The following SLC22A2 variants were observed in gnomAD, a reference collection of about 807,000 sequenced individuals.
SLC22A2 encodes the protein solute carrier family 22 member 2, also known as organic cation transporter 2.
SLC22A2 carries 46 observed loss-of-function variants against 60.5 expected under a neutral mutation model. The observed-to-expected ratio is 0.76, with a 90% CI of 0.60 to 0.97. The LOEUF (loss-of-function observed/expected upper bound fraction) is 0.97, where lower values mean the gene tolerates loss of function less well. SLC22A2 is among the 50% of genes least tolerant of loss of function. SLC22A2 has a pLI of 0.00. For missense variants in SLC22A2, 701 were observed against 706.6 expected (o/e 0.99, Z 0.09); for synonymous variants, 303 against 267.0 (o/e 1.13, Z -1.31).
chr6:160,221,235 G>T (rs1158046596), intron 10 of SLC22A2, among the ~76,000 whole-genome samples: 1 of 152,180 alleles, frequency 6.6e-6, no homozygotes, highest in Admixed American at 6.5e-5. Context: ...TATGGAGATG[G>T]CTTCTTTCCT....
At chr6:160,235,581 T>A (rs1207757291) in intron 9 of SLC22A2, among the ~76,000 whole-genome samples, 4 of 150,662 alleles carry the variant, frequency 2.7e-5, no homozygotes, top group African/African-American at 9.7e-5. Context: ...GAAAAATTAA[T>A]CATGTAAAAG....
chr6:160,254,267 G>T (rs1783233731), intron 2 of SLC22A2, among the ~76,000 whole-genome samples: 1 of 152,040 alleles, frequency 6.6e-6, no homozygotes, highest in African/African-American at 2.4e-5. Context: ...GATAGAGTGA[G>T]ACTCTGTCTC....
intron 9 of SLC22A2, among the ~76,000 whole-genome samples, chr6:160,227,336 A>G (rs192732657): frequency 4.5e-4 from 68 of 152,296 alleles, no homozygotes; most frequent in African/African-American, 1.5e-3. Context: ...TTGATTCCGG[A>G]CCTTCAGATA....
rs1206890186 is a variant in SLC22A2, at chr6:160,258,623, G to A, written c.135C>T (p.Phe45=). ...PIYVGIVFLG[F]TPDHRCRSPG... ...GGCTCCGGCAGCGGTGGTCAGGGGT[G>A]AAGCCCAGGAAGACGATGCCCACGT... Residue 45 remains phenylalanine (F), a synonymous_variant, in exon 1 of 11, where the codon TTC becomes TTT. Transcript: ENST00000366953. 2 of 1,613,982 alleles carry A rather than the reference G, an allele frequency of 1.2e-6. No individual in the cohort carries two copies. Among genetic ancestry groups the A allele is most frequent in the South Asian group, 2.2e-5 (2 of 91,072 alleles).
At chr6:160,217,785 TA>T (rs2114845605) in intron 10 of SLC22A2, 1 of 254,312 alleles carries the variant, frequency 3.9e-6, no homozygotes, top group African/African-American at 2.2e-5. Context: ...AGAATGTGGG[TA>T]AAGTCTAAAC....
At chr6:160,236,716 C>T (rs933892858) in intron 9 of SLC22A2, among the ~76,000 whole-genome samples, 10 of 152,028 alleles carry the variant, frequency 6.6e-5, no homozygotes, top group Non-Finnish European at 1.2e-4. Flanking sequence ...CTACATAGTC[C>T]CTGTACAGGG....
Position 160,217,019 on chromosome 6 carries a change from T to G in SLC22A2, c.*413A>C, listed in dbSNP as rs1782549745. On this transcript the variant is annotated 3_prime_UTR_variant, in exon 11 of 11. Transcript: ENST00000366953. ...ACAACTTTATATTGTTTTGGGTGTT[T>G]TATTTCTTTAAGAAAATAGATGCTC... 6.5e-6 allele frequency: 1 copy of G among 153,956 alleles called. No homozygotes were observed. 9.5% of individuals were successfully genotyped at this position (153,956 alleles called of 1,614,324 possible).
At chr6:160,223,168 T>C (rs1782669715) in intron 10 of SLC22A2, among the ~76,000 whole-genome samples, 1 of 152,198 alleles carries the variant, frequency 6.6e-6, no homozygotes, top group South Asian at 2.1e-4. Context: ...AATAAAAATA[T>C]CTAAACATAC....
At position 160,258,803 on chromosome 6, in the gene SLC22A2, C is replaced by A. The variant is rs57454793; in HGVS notation, c.-46G>T. On this transcript the variant is annotated 5_prime_UTR_variant, in exon 1 of 11. Coordinates refer to ENST00000366953, the MANE Select transcript of SLC22A2 (RefSeq NM_003058.4). ...CCGAGGCTGCCCGACGTGCCCGGAG[C>A]GAGGCTGAGAGCGGCTGCAGCCAGC... 6.7e-7 allele frequency: 1 copy of A among 1,499,652 alleles called. No homozygotes were observed. The highest frequency in any genetic ancestry group is 8.9e-7 in the Non-Finnish European group (1 of 1,125,322). 92.9% of individuals were successfully genotyped at this position (1,499,652 alleles called of 1,614,324 possible). A position where few individuals can be genotyped will look rare whatever the true frequency, so the allele number is the denominator to read the frequency against.
intron 9 of SLC22A2, among the ~76,000 whole-genome samples, chr6:160,226,042 T>C (rs893142194): frequency 2.0e-5 from 3 of 152,230 alleles, no homozygotes; most frequent in East Asian, 1.9e-4. Context: ...TTAGGAGTCA[T>C]GCAGTTGGAG....
At chr6:160,241,976 C>G (rs1419126767) in intron 8 of SLC22A2, among the ~76,000 whole-genome samples, 4 of 151,066 alleles carry the variant, frequency 2.6e-5, no homozygotes, top group African/African-American at 4.9e-5. Context: ...GCAATTGTTT[C>G]TTTTTACTTC....
chr6:160,241,633 G>T, intron 8 of SLC22A2, 47 bp from the exon 9 acceptor site: 1 of 1,199,810 alleles, frequency 8.3e-7, no homozygotes, highest in East Asian at 2.3e-5. Flanking sequence ...TCACAGTGCA[G>T]TAGTTATCTC....
At chr6:160,228,021 A>G (rs1349779662) in intron 9 of SLC22A2, among the ~76,000 whole-genome samples, 1 of 152,276 alleles carries the variant, frequency 6.6e-6, no homozygotes, top group African/African-American at 2.4e-5. Flanking sequence ...CATATAATCA[A>G]GAAATAACTA....
intron 9 of SLC22A2, among the ~76,000 whole-genome samples, chr6:160,236,961 C>CT (rs1463695436): frequency 6.6e-6 from 1 of 152,182 alleles, no homozygotes; most frequent in East Asian, 1.9e-4. Flanking sequence ...TTTTGCTGCA[C>CT]TTTATACAAA....
chr6:160,231,786 C>A (rs1782828625), intron 9 of SLC22A2, among the ~76,000 whole-genome samples: 1 of 151,894 alleles, frequency 6.6e-6, no homozygotes, highest in African/African-American at 2.4e-5. Flanking sequence ...CCCCACTCCC[C>A]TTTCCATTCC....
chr6:160,242,401 A>C lies in SLC22A2; in HGVS notation c.1281T>G (p.Asp427Glu). The stretch of plus-strand genomic sequence containing the variant: ...AGATAATAATTTTTAGCCATTGTAG[A>C]TCTAAGAGGGAAAAGAACAGTACTT... ...ACLASVFIPGDLQWLKIIISC... is the reference protein window; with the variant it reads ...ACLASVFIPGELQWLKIIISC... Residue 427 changes from aspartate to glutamate, a missense_variant and splice_region_variant, in exon 8 of 11, where the codon GAT becomes GAG. Asp to Glu is a conservative substitution (Grantham distance 45). Coordinates refer to ENST00000366953, the MANE Select transcript of SLC22A2 (RefSeq NM_003058.4). 2 of 1,528,870 alleles carry C rather than the reference A, an allele frequency of 1.3e-6. No homozygotes were observed. The highest frequency in any genetic ancestry group is 1.8e-6 in the Non-Finnish European group (2 of 1,102,420). 94.7% of individuals were successfully genotyped at this position (1,528,870 alleles called of 1,614,324 possible). A position where few individuals can be genotyped will look rare whatever the true frequency, so the allele number is the denominator to read the frequency against.
chr6:160,220,245 C>T (rs1387226950), intron 10 of SLC22A2, among the ~76,000 whole-genome samples: 3 of 152,152 alleles, frequency 2.0e-5, no homozygotes, highest in African/African-American at 7.2e-5. Context: ...GAGTAGATTC[C>T]ATCTCAAGAA....
chr6:160,247,357 A>C (rs2279463), intron 4 of SLC22A2, 59 bp from the exon 5 acceptor site: 1 of 871,842 alleles, frequency 1.1e-6, no homozygotes, highest in African/African-American at 1.7e-5. Context: ...CCCATCCCCC[A>C]TTTTTTTATA....
rs138938404 is a variant in SLC22A2, at chr6:160,231,868, A to T, written c.1502-7064T>A. Among the ~76,000 whole-genome samples, 9 of 151,982 alleles carry T rather than the reference A, an allele frequency of 5.9e-5. No individual in the cohort carries two copies. In the East Asian group the frequency reaches 1.7e-3, roughly 29 times the overall value. On this transcript the variant is annotated intron_variant, in intron 9 of 10. Coordinates refer to ENST00000366953, the MANE Select transcript of SLC22A2 (RefSeq NM_003058.4). ...TCTTCACTCCCTTTTCATTACATAC[A>T]GCTGAAGTGCAGGGCTGTGTGGTCG...
Sources: allele counts gnomAD v4.1 joint callset (sites outside exome capture counted in the v4.1 genomes callset), GRCh38; gene constraint gnomAD v4.1.1; transcripts MANE v1.5; gene names NCBI Gene and HGNC (gene_info 2026-07-23, HGNC 2026-07-21).